The following ZNF462 variants were observed in gnomAD, a reference collection of about 807,000 sequenced individuals.
The protein encoded by ZNF462 is zinc finger protein 462, also known as zinc finger PBX1-interacting protein.
ZNF462 carries 10 observed loss-of-function variants against 201.9 expected under a neutral mutation model. The observed-to-expected ratio is 0.05, with a 90% CI of 0.03 to 0.08. The LOEUF (loss-of-function observed/expected upper bound fraction) is 0.08. Among genes scored for constraint, ZNF462 ranks in the 10% least tolerant of loss-of-function variants. The probability of loss-of-function intolerance (pLI) is 1.00; values close to 1 mark genes in which losing one functional copy is unlikely to be tolerated. For synonymous variants in ZNF462, 1,227 were observed against 1,193.3 expected, an observed-to-expected ratio of 1.03 and a Z score of -0.58; for missense variants, 2,523 against 3,168.3, an observed-to-expected ratio of 0.80 and a Z score of 4.89.
In ZNF462 at chr9:106,977,158, G is replaced by T; in HGVS notation, c.6832+2885G>T. Reference sequence around the variant, plus strand: ...TTGGTGTCCATCTCTACTCAAAATGGCAGCTCAGTAGGAAGCTGACCTTGA... The same window carrying T: ...TTGGTGTCCATCTCTACTCAAAATGTCAGCTCAGTAGGAAGCTGACCTTGA... On this transcript the variant is annotated intron_variant, in intron 9 of 12. Transcript: ENST00000277225. This position sits in a 1 kb window ranked among gnomAD's most constrained non-coding sequence, Gnocchi z 4.6. Among the ~76,000 whole-genome samples the T allele has an allele frequency of 1.3e-5, 2 of 152,242 alleles. No individual in the cohort carries two copies. The highest frequency in any genetic ancestry group is 1.9e-4 in the East Asian group (1 of 5,162).
chr9:106,999,697 A>C (rs1829034991), intron 10 of ZNF462, among the ~76,000 whole-genome samples: 1 of 152,188 alleles, frequency 6.6e-6, no homozygotes, highest in South Asian at 2.1e-4. Flanking sequence ...ACAGAAATAC[A>C]TTAATTCATT....
chr9:106,983,406 G>A (rs1827593098), intron 9 of ZNF462, among the ~76,000 whole-genome samples: 1 of 152,132 alleles, frequency 6.6e-6, no homozygotes, highest in Non-Finnish European at 1.5e-5. Flanking sequence ...TCATTTGTGA[G>A]CTCTTCATAG....
rs1829369488 is a variant in ZNF462 at position 107,003,879 on chromosome 9, CT to C, written c.7189+454del. Among the ~76,000 whole-genome samples, 1 of 152,046 alleles carries C rather than the reference CT, an allele frequency of 6.6e-6. No homozygotes were observed. Among genetic ancestry groups the C allele is most frequent in the Non-Finnish European group, 1.5e-5 (1 of 67,998 alleles). ...TGCAAAGAACTTGAGCCCCTACCCC[CT>C]GATGTCCCTCTGCGTGGCCCTTTTC... On this transcript the variant is annotated intron_variant, in intron 11 of 12. Transcript: ENST00000277225. The surrounding 1 kb of genome is among the most constrained non-coding windows in gnomAD (Gnocchi z 4.4).
Position 106,929,723 on chromosome 9 carries a change from T to C in ZNF462, c.5811T>C (p.Tyr1937=), listed in dbSNP as rs761994660. 5.6e-6 allele frequency: 9 copies of C among 1,614,036 alleles called. No individual in the cohort carries two copies. The highest frequency in any genetic ancestry group is 5.0e-5 in the Admixed American group (3 of 60,012). ...RRKQLLSKQK[Y]ADGAFADFKQ... The stretch of plus-strand genomic sequence containing the variant: ...AACAGCTTTTGAGCAAGCAGAAATA[T>C]GCAGATGGTGCTTTTGCAGATTTCA... The change falls in exon 3 of 13, where the codon TAT becomes TAC. Residue 1937 remains tyrosine, a synonymous_variant. Transcript: ENST00000277225. This position sits in a 1 kb window ranked among gnomAD's most constrained non-coding sequence, Gnocchi z 8.7.
chr9:106,972,461 G>A lies in ZNF462; in HGVS notation c.6695+189G>A, dbSNP rs924712100. ...GAAGACTGCTTTGGGATTTGGGAAG[G>A]GATGAAGAGCTATATCAGAACAAAT... On this transcript the variant is annotated intron_variant, in intron 8 of 12. Transcript: ENST00000277225. The surrounding 1 kb of genome is among the most constrained non-coding windows in gnomAD (Gnocchi z 4.8). Among the ~76,000 whole-genome samples, 2 of 152,142 alleles carry A rather than the reference G, an allele frequency of 1.3e-5. No homozygotes were observed. The highest frequency in any genetic ancestry group is 4.8e-5 in the African/African-American group (2 of 41,436).
chr9:106,964,203 A>T (rs1393239052), intron 7 of ZNF462, among the ~76,000 whole-genome samples: 2 of 151,990 alleles, frequency 1.3e-5, no homozygotes, highest in East Asian at 3.9e-4. Context: ...GGATTGCTTG[A>T]TCATACGATA....
chr9:106,935,490 C>T lies in ZNF462; in HGVS notation c.6117-13C>T. ...TTTTGTCATTTTTCTTTTTGTTTTC[C>T]TTCTACATCAAGTTTGGATCGCCAT... On this transcript the variant is annotated splice_polypyrimidine_tract_variant and intron_variant, in intron 5 of 12. Coordinates refer to ENST00000277225, the MANE Select transcript of ZNF462 (RefSeq NM_021224.6). This position sits in a 1 kb window ranked among gnomAD's most constrained non-coding sequence, Gnocchi z 4.1. 4.4e-6 allele frequency: 7 copies of T among 1,609,012 alleles called. No homozygotes were observed. The highest frequency in any genetic ancestry group is 5.9e-6 in the Non-Finnish European group (7 of 1,176,674).
At chr9:106,988,036 C>T (rs1275948342) in intron 10 of ZNF462, among the ~76,000 whole-genome samples, 1 of 152,040 alleles carries the variant, frequency 6.6e-6, no homozygotes, top group African/African-American at 2.4e-5. Flanking sequence ...TATTTTTATA[C>T]CAGTACTATG....
At chr9:107,000,588 T>C (rs1354017762) in intron 10 of ZNF462, among the ~76,000 whole-genome samples, 1 of 152,148 alleles carries the variant, frequency 6.6e-6, no homozygotes, top group Non-Finnish European at 1.5e-5. Context: ...TCTAATTACA[T>C]AGCAAAAATT....
At chr9:106,889,177 G>C (rs1265888188) in intron 1 of ZNF462, among the ~76,000 whole-genome samples, 1 of 152,144 alleles carries the variant, frequency 6.6e-6, no homozygotes, top group Non-Finnish European at 1.5e-5. Context: ...TTGGCCTAAT[G>C]GGGCACCTAG....
chr9:106,910,087 A>G (rs1277040631), intron 1 of ZNF462, among the ~76,000 whole-genome samples: 1 of 151,976 alleles, frequency 6.6e-6, no homozygotes, highest in Non-Finnish European at 1.5e-5. Context: ...CATCATCAAC[A>G]TTGTTTTTGA....
chr9:106,889,170 G>T (rs2131026763), intron 1 of ZNF462, among the ~76,000 whole-genome samples: 1 of 152,260 alleles, frequency 6.6e-6, no homozygotes, highest in South Asian at 2.1e-4. Flanking sequence ...CAAAATATTG[G>T]CCTAATGGGG....
chr9:106,998,728 C>G (rs1828931849), intron 10 of ZNF462, among the ~76,000 whole-genome samples: 1 of 152,122 alleles, frequency 6.6e-6, no homozygotes, highest in Non-Finnish European at 1.5e-5. Flanking sequence ...CTGCCTCAGC[C>G]TCCCAAGTAG....
At position 106,974,091 on chromosome 9, in the gene ZNF462, G is replaced by C; in HGVS notation, c.6696-46G>C. 1 of 1,610,348 alleles carries C rather than the reference G, an allele frequency of 6.2e-7. No homozygotes were observed. Among genetic ancestry groups the C allele is most frequent in the Non-Finnish European group, 8.5e-7 (1 of 1,177,504 alleles). On this transcript the variant is annotated intron_variant, in intron 8 of 12. Transcript: ENST00000277225. This position sits in a 1 kb window ranked among gnomAD's most constrained non-coding sequence, Gnocchi z 4.0. ...CCAGCAGGAAATGTGAAAATGCAAT[G>C]ATCCCTGGTTACACGCATCACCTCT... is the stretch of plus-strand genomic sequence containing the variant.
At chr9:106,867,814 C>T (rs1194165007) in intron 1 of ZNF462, among the ~76,000 whole-genome samples, 1 of 152,172 alleles carries the variant, frequency 6.6e-6, no homozygotes, top group Non-Finnish European at 1.5e-5. Flanking sequence ...GGTAACCTTA[C>T]TTATCTTCTT....
rs574800617 is a variant in ZNF462 at position 106,965,836 on chromosome 9, A to G, written c.6428-6169A>G. Among the ~76,000 whole-genome samples the G allele has an allele frequency of 2.1e-3, 320 of 152,260 alleles. 3 individuals carry two copies. The highest frequency in any genetic ancestry group is 7.4e-3 in the African/African-American group (308 of 41,570). ...AGATTCCTGGATCACTGTCGCATAC[A>G]TGAAAATACTGAAACTATTTTTGTC... is the stretch of plus-strand genomic sequence containing the variant. On this transcript the variant is annotated intron_variant, in intron 7 of 12. Transcript: ENST00000277225.
intron 1 of ZNF462, among the ~76,000 whole-genome samples, chr9:106,871,587 CAT>C (rs1027791757): frequency 6.6e-6 from 1 of 152,182 alleles, no homozygotes; most frequent in Non-Finnish European, 1.5e-5. Flanking sequence ...GTACCTAACA[CAT>C]GTGAAATATG....
upstream of ZNF462, among the ~76,000 whole-genome samples, chr9:106,861,084 CATTT>C (rs1250533971): frequency 3.3e-5 from 5 of 151,830 alleles, no homozygotes; most frequent in East Asian, 1.9e-4. Context: ...CGTAGAGTGT[CATTT>C]ATTTATTTAT....
intron 1 of ZNF462, among the ~76,000 whole-genome samples, chr9:106,896,477 T>C (rs754799260): frequency 2.6e-5 from 4 of 152,164 alleles, no homozygotes; most frequent in African/African-American, 4.8e-5. Flanking sequence ...ATTTCCCACC[T>C]AATCTCGGTT....
Sources: gnomAD v4.1 joint callset for allele counts (sites outside exome capture counted in the v4.1 genomes callset) on GRCh38, gnomAD v4.1.1 for gene constraint, Gnocchi (gnomAD v3.1) non-coding constraint, MANE v1.5 for transcripts, NCBI Gene and HGNC (gene_info 2026-07-23, HGNC 2026-07-21) for gene names.